AUTS2: variants seen among roughly 807,000 people sequenced by gnomAD.
AUTS2 encodes activator of transcription and developmental regulator AUTS2.
AUTS2 carries 17 observed loss-of-function variants against 112.4 expected under a neutral mutation model. The ratio of observed to expected loss-of-function variants is 0.15; its 90% CI spans 0.10 to 0.23. The LOEUF is 0.23. Ranked by LOEUF, AUTS2 falls within the 10% of genes least tolerant of loss-of-function variation. The pLI is 1.00. For missense variants in AUTS2, 1,510 were observed against 1,701.6 expected, an observed-to-expected ratio of 0.89 and a Z score of 1.98; for synonymous variants, 751 against 702.7, an observed-to-expected ratio of 1.07 and a Z score of -1.09.
intron 2 of AUTS2, among the ~76,000 whole-genome samples, chr7:69,922,127 C>T (rs988877538): frequency 6.6e-6 from 1 of 152,180 alleles, no homozygotes; most frequent in African/African-American, 2.4e-5. Flanking sequence ...ATTTGAGCTG[C>T]ACTCAGTAGG....
At chr7:70,615,449 C>T (rs1314478698) in intron 5 of AUTS2, among the ~76,000 whole-genome samples, 1 of 152,104 alleles carries the variant, frequency 6.6e-6, no homozygotes, top group Non-Finnish European at 1.5e-5. Flanking sequence ...TTGAGAGGCC[C>T]CTCTGGGGAA....
intron 1 of AUTS2, among the ~76,000 whole-genome samples, chr7:69,625,884 G>T (rs914011896): frequency 3.9e-5 from 6 of 152,028 alleles, no homozygotes; most frequent in Non-Finnish European, 5.9e-5. Context: ...AAAAAGACAG[G>T]GAAGGGAAAG....
chr7:70,446,925 C>A (rs1796341801), intron 5 of AUTS2, among the ~76,000 whole-genome samples: 2 of 152,188 alleles, frequency 1.3e-5, no homozygotes, highest in Non-Finnish European at 2.9e-5. Flanking sequence ...TGGCAAGTGA[C>A]TAGCTGCCTT....
intron 1 of AUTS2, among the ~76,000 whole-genome samples, chr7:69,726,411 T>C (rs1786517846): frequency 6.6e-6 from 1 of 152,210 alleles, no homozygotes. Context: ...TGTACAGATA[T>C]ACCACAATTT....
intron 5 of AUTS2, among the ~76,000 whole-genome samples, chr7:70,646,765 A>G (rs1054763461): frequency 6.6e-6 from 1 of 152,236 alleles, no homozygotes; most frequent in Admixed American, 6.5e-5. Flanking sequence ...GCGGCTGCTC[A>G]AGGCCCGCTC....
At chr7:70,740,747 A>T (rs936975142) in intron 6 of AUTS2, among the ~76,000 whole-genome samples, 1 of 152,154 alleles carries the variant, frequency 6.6e-6, no homozygotes, top group African/African-American at 2.4e-5. Context: ...TAAGTTACTT[A>T]TTAAGTACAT....
chr7:70,640,023 T>C (rs949136905), intron 5 of AUTS2, among the ~76,000 whole-genome samples: 1 of 152,160 alleles, frequency 6.6e-6, no homozygotes, highest in South Asian at 2.1e-4. Context: ...TCTGTAATGA[T>C]GGCTGAGCCT....
At position 69,984,406 on chromosome 7, in the gene AUTS2, C is replaced by CAAA. The variant is rs34689325; in HGVS notation, c.522+84927_522+84929dup. On this transcript the variant is annotated intron_variant, in intron 2 of 18. Coordinates refer to ENST00000342771, the MANE Select transcript of AUTS2 (RefSeq NM_015570.4). ...TGGGCGACAGAGTGAGACTCTGTCT[C>CAAA]AAAAAAAAAAAAAAAAAAAAATTGA... Among the ~76,000 whole-genome samples the CAAA allele has an allele frequency of 1.6e-3, 130 of 80,488 alleles. 1 individual carries two copies. Among genetic ancestry groups the CAAA allele is most frequent in the African/African-American group, 4.9e-3 (103 of 20,894 alleles). The allele number at this position is 80,488 out of a possible 152,430, so 52.8% of individuals were successfully genotyped here.
At chr7:70,056,037 G>C (rs1166909325) in intron 2 of AUTS2, among the ~76,000 whole-genome samples, 3 of 151,794 alleles carry the variant, frequency 2.0e-5, no homozygotes, top group Non-Finnish European at 4.4e-5. Flanking sequence ...GCCCAGGCTG[G>C]AGTGCAGTGG....
chr7:70,446,587 G>T (rs752804386), intron 5 of AUTS2, among the ~76,000 whole-genome samples: 5 of 152,190 alleles, frequency 3.3e-5, no homozygotes, highest in Non-Finnish European at 5.9e-5. Flanking sequence ...GTACATCATT[G>T]CTGTCAGCTC....
At chr7:70,130,544 T>G (rs1192957626) in intron 3 of AUTS2, among the ~76,000 whole-genome samples, 2 of 152,144 alleles carry the variant, frequency 1.3e-5, no homozygotes, top group Admixed American at 6.5e-5. Context: ...GTCTTTCAAC[T>G]GTGCATCCCA....
Position 70,417,113 on chromosome 7 carries a change from C to G in AUTS2, c.661-18639C>G, listed in dbSNP as rs929313914. Among the ~76,000 whole-genome samples, 3 of 152,156 alleles carry G rather than the reference C, an allele frequency of 2.0e-5. No individual in the cohort carries two copies. In the South Asian group the frequency reaches 6.2e-4, roughly 32 times the overall value. On this transcript the variant is annotated intron_variant, in intron 4 of 18. Coordinates refer to ENST00000342771, the MANE Select transcript of AUTS2 (RefSeq NM_015570.4). ...CCACTCTGCTGGAGGAGACAGACTC[C>G]GAGATGGCAATCAAGGCTTGATTTG...
At chr7:70,020,993 TTTTC>T (rs1800245301) in intron 2 of AUTS2, among the ~76,000 whole-genome samples, 1 of 151,950 alleles carries the variant, frequency 6.6e-6, no homozygotes, top group Non-Finnish European at 1.5e-5. Context: ...TTTTCTTTTC[TTTTC>T]TTTTTTTTTG....
intron 4 of AUTS2, among the ~76,000 whole-genome samples, chr7:70,270,958 G>A (rs897611940): frequency 5.9e-5 from 9 of 152,040 alleles, no homozygotes; most frequent in African/African-American, 1.7e-4. Context: ...CCCTGAGTGC[G>A]GGCAAGCCTC....
At chr7:70,463,723 C>A (rs1164596623) in intron 5 of AUTS2, among the ~76,000 whole-genome samples, 1 of 152,166 alleles carries the variant, frequency 6.6e-6, no homozygotes, top group Non-Finnish European at 1.5e-5. Context: ...AGCACACCTC[C>A]CACCTTTGTT....
At chr7:69,643,374 G>A (rs1487218631) in intron 1 of AUTS2, 2 of 153,464 alleles carry the variant, frequency 1.3e-5, no homozygotes, top group Non-Finnish European at 2.9e-5. Flanking sequence ...GGAGGCAAGG[G>A]TCATGGGGGC....
In AUTS2 at chr7:70,792,713, A is replaced by G. The variant is rs1028351134; in HGVS notation, c.*1717A>G. 5 of 152,324 alleles carry G rather than the reference A, an allele frequency of 3.3e-5. No homozygotes were observed. In the East Asian group the frequency reaches 9.6e-4, roughly 29 times the overall value. 9.4% of individuals were successfully genotyped at this position (152,324 alleles called of 1,614,324 possible). ...TTCAGTATTGTAAAGAGATTGTTCT[A>G]TACGGACCTTTTTGCTGTTTATCCT... On this transcript the variant is annotated 3_prime_UTR_variant, in exon 19 of 19. Coordinates refer to ENST00000342771, the MANE Select transcript of AUTS2 (RefSeq NM_015570.4).
intron 4 of AUTS2, among the ~76,000 whole-genome samples, chr7:70,164,854 TA>T (rs59658520): frequency 0.013 from 1,931 of 144,304 alleles, 20 homozygotes; most frequent in Middle Eastern, 0.029. Flanking sequence ...TCACGTAAGA[TA>T]AAAAAAAAAG....
At chr7:70,680,625 G>C (rs1477962890) in intron 5 of AUTS2, among the ~76,000 whole-genome samples, 2 of 152,196 alleles carry the variant, frequency 1.3e-5, no homozygotes, top group African/African-American at 2.4e-5. Flanking sequence ...TGTCAGCTGT[G>C]AGTGAGCACT....
Sources: allele counts gnomAD v4.1 joint callset (sites outside exome capture counted in the v4.1 genomes callset), GRCh38; gene constraint gnomAD v4.1.1; transcripts MANE v1.5; gene names NCBI Gene and HGNC (gene_info 2026-07-23, HGNC 2026-07-21).